KCNAB2: variants seen among roughly 807,000 people sequenced by gnomAD.
The protein encoded by KCNAB2 is voltage-gated potassium channel subunit beta-2.
KCNAB2 carries 29 observed loss-of-function variants against 63.6 expected under a neutral mutation model. The ratio of observed to expected loss-of-function variants is 0.46; its 90% confidence interval spans 0.34 to 0.62. The LOEUF is 0.62. Among genes scored for constraint, KCNAB2 ranks in the 20% least tolerant of loss-of-function variants. KCNAB2 has a pLI of 0.01. For synonymous variants in KCNAB2, 222 were observed against 224.2 expected, an observed-to-expected ratio of 0.99 and a Z score of 0.09; for missense variants, 359 against 563.9, an observed-to-expected ratio of 0.64 and a Z score of 3.68.
At position 6,094,498 on chromosome 1, in the gene KCNAB2, C is replaced by T. The variant is rs770172789; in HGVS notation, c.732+13C>T. 36 of 1,600,118 alleles carry T rather than the reference C, an allele frequency of 2.2e-5. No homozygotes were observed. The highest frequency in any genetic ancestry group is 3.0e-5 in the Non-Finnish European group (35 of 1,173,152). ...CATGGAGATCATGGTACGGTGGCCG[C>T]GCAGCATGTGTGTGTCCAGGCACAG... On this transcript the variant is annotated intron_variant, in intron 11 of 15. Coordinates refer to ENST00000378083, the MANE Select transcript of KCNAB2 (RefSeq NM_001199862.2).
chr1:6,077,818 T>C (rs1052111028), intron 4 of KCNAB2, among the ~76,000 whole-genome samples: 1 of 152,164 alleles, frequency 6.6e-6, no homozygotes, highest in African/African-American at 2.4e-5. Flanking sequence ...TCACTGTCTT[T>C]CTAGAGAGGG....
rs1386307451 is a variant in KCNAB2, at chr1:6,087,014, T to A, written c.426-453T>A. Among the ~76,000 whole-genome samples the A allele has an allele frequency of 6.6e-6, 1 of 152,026 alleles. No individual in the cohort carries two copies. The highest frequency in any genetic ancestry group is 1.9e-4 in the East Asian group (1 of 5,170). ...CCCTGCCTGCCTCCCACCTACATCT[T>A]TCCATCCTCAACTCCTGCCAGATCC... is the stretch of plus-strand genomic sequence containing the variant. On this transcript the variant is annotated intron_variant, in intron 6 of 15. Transcript: ENST00000378083. This position sits in a 1 kb window ranked among gnomAD's most constrained non-coding sequence, Gnocchi z 6.4.
upstream of KCNAB2, among the ~76,000 whole-genome samples, chr1:6,031,634 C>G (rs1012614008): frequency 6.6e-6 from 1 of 151,956 alleles, no homozygotes; most frequent in Non-Finnish European, 1.5e-5. The surrounding 1 kb of genome is among the most constrained non-coding windows in gnomAD (Gnocchi z 4.1). Context: ...CGCCTGTAAT[C>G]CCAACCCTTT....
chr1:6,079,495 G>A (rs971483711), intron 4 of KCNAB2, among the ~76,000 whole-genome samples: 2 of 151,648 alleles, frequency 1.3e-5, no homozygotes, highest in Admixed American at 6.6e-5. Context: ...CTCCCGCCTG[G>A]GCAACAGAAT....
At chr1:6,045,152 G>A (rs965350955), upstream of KCNAB2, among the ~76,000 whole-genome samples, 16 of 152,132 alleles carry the variant, frequency 1.1e-4, no homozygotes, top group South Asian at 8.3e-4. The surrounding 1 kb of genome is among the most constrained non-coding windows in gnomAD (Gnocchi z 4.8). Flanking sequence ...TCCACACTGC[G>A]ACTGGGGCAC....
intron 13 of KCNAB2, 69 bp downstream of exon 13, chr1:6,095,693 C>G (rs1665561752): frequency 4.2e-6 from 6 of 1,444,150 alleles, no homozygotes; most frequent in Non-Finnish European, 4.9e-6. Flanking sequence ...GACCTTTGGG[C>G]CGACTGCTTT....
rs1054773716 is a variant in KCNAB2 at position 5,994,320 on chromosome 1, C to T, written c.-53+1532C>T. Among the ~76,000 whole-genome samples, 3 of 152,244 alleles carry T rather than the reference C, an allele frequency of 2.0e-5. No individual in the cohort carries two copies. Among genetic ancestry groups the T allele is most frequent in the African/African-American group, 7.2e-5 (3 of 41,472 alleles). ...GAGTCACATCTGCCCACCTGATTCT[C>T]GCCTGGCGGCCGTGTCTGCTGCAGA... On this transcript the variant is annotated intron_variant, in intron 1 of 16. Coordinates refer to the KCNAB2 transcript ENST00000341524. This position sits in a 1 kb window ranked among gnomAD's most constrained non-coding sequence, Gnocchi z 5.4.
At chr1:5,995,597 G>A (rs1656897793) in intron 1 of KCNAB2, among the ~76,000 whole-genome samples, 1 of 152,184 alleles carries the variant, frequency 6.6e-6, no homozygotes, top group Admixed American at 6.5e-5. Context: ...TGCAGGCCCT[G>A]GTGCAAGGGT....
Position 6,074,263 on chromosome 1 carries a change from G to C in KCNAB2, c.300+493G>C, listed in dbSNP as rs1020079777. ...ATCCACTGTCCATTTCCCAGCTGCC[G>C]CGAACCGTGCGGATCGCAGTCAGAT... On this transcript the variant is annotated intron_variant, in intron 4 of 15. Coordinates refer to ENST00000378083, the MANE Select transcript of KCNAB2 (RefSeq NM_001199862.2). The surrounding 1 kb of genome is among the most constrained non-coding windows in gnomAD (Gnocchi z 4.9). Among the ~76,000 whole-genome samples, 1 of 152,200 alleles carries C rather than the reference G, an allele frequency of 6.6e-6. No individual in the cohort carries two copies. The highest frequency in any genetic ancestry group is 2.4e-5 in the African/African-American group (1 of 41,444).
upstream of KCNAB2, among the ~76,000 whole-genome samples, chr1:6,032,761 C>T (rs1043669893): frequency 1.4e-4 from 22 of 152,126 alleles, no homozygotes; most frequent in African/African-American, 3.4e-4. Context: ...CCTGCCTGGA[C>T]GCATGAAAAG....
chr1:6,079,016 T>C (rs949979005), intron 4 of KCNAB2, among the ~76,000 whole-genome samples: 1 of 152,200 alleles, frequency 6.6e-6, no homozygotes, highest in East Asian at 1.9e-4. Context: ...GGTCAGATTC[T>C]GGACTAATTT....
intron 1 of KCNAB2, among the ~76,000 whole-genome samples, chr1:6,048,359 T>C (rs759331868): frequency 1.3e-5 from 2 of 152,186 alleles, no homozygotes; most frequent in African/African-American, 4.8e-5. Flanking sequence ...TCCCACCCAG[T>C]TGTCCAAAGC....
chr1:6,090,462 C>A lies in KCNAB2; in HGVS notation c.588C>A (p.Asn196Lys), dbSNP rs1665091390. Residue 196 changes from asparagine to lysine, a missense_variant, in exon 9 of 16, where the codon AAC (asparagine) becomes AAA (lysine). Asn to Lys is a moderately conservative substitution (Grantham distance 94). Coordinates refer to ENST00000378083, the MANE Select transcript of KCNAB2 (RefSeq NM_001199862.2). Reference protein sequence around the residue: ...DVVFANRPDPNTPMEGDPFSS... With the variant: ...DVVFANRPDPKTPMEGDPFSS... ...TGTTTGCCAACCGCCCGGACCCCAA[C>A]ACCCCGATGGAAGGTAGGTGGTCTG... The A allele has an allele frequency of 6.2e-7, 1 of 1,613,432 alleles. No individual in the cohort carries two copies. The highest frequency in any genetic ancestry group is 1.3e-5 in the African/African-American group (1 of 74,932).
chr1:6,030,821 T>G (rs975681452), upstream of KCNAB2, among the ~76,000 whole-genome samples: 10 of 151,752 alleles, frequency 6.6e-5, no homozygotes, highest in African/African-American at 2.2e-4. Context: ...TGTATATGTG[T>G]GTATGTGTAA....
At position 6,035,693 on chromosome 1, in the gene KCNAB2, G is replaced by A. The variant is rs1048507073; in HGVS notation, c.-53+899G>A. On this transcript the variant is annotated intron_variant, in intron 1 of 15. Transcript: ENST00000164247. This position sits in a 1 kb window ranked among gnomAD's most constrained non-coding sequence, Gnocchi z 5.0. ...TCTGACCCAGGAATCCGAGGCACAC[G>A]TTCCCCACCCTCATAGCTGAGCCAC... Among the ~76,000 whole-genome samples, 3 of 151,716 alleles carry A rather than the reference G, an allele frequency of 2.0e-5. No individual in the cohort carries two copies. The highest frequency in any genetic ancestry group is 1.9e-4 in the East Asian group (1 of 5,164).
At chr1:6,059,119 T>TA (rs1403935106) in intron 2 of KCNAB2, among the ~76,000 whole-genome samples, 2 of 152,114 alleles carry the variant, frequency 1.3e-5, no homozygotes, top group African/African-American at 4.8e-5. Flanking sequence ...TGTAACCGAC[T>TA]GATGATGTGC....
At chr1:6,017,923 T>A (rs1015434388) in intron 1 of KCNAB2, among the ~76,000 whole-genome samples, 6 of 151,096 alleles carry the variant, frequency 4.0e-5, no homozygotes, top group African/African-American at 1.2e-4. Flanking sequence ...CAAAAAAAAA[T>A]TTTTTTTTAG....
At position 6,095,360 on chromosome 1, in the gene KCNAB2, C is replaced by T; in HGVS notation, c.770C>T (p.Pro257Leu). 2.5e-6 allele frequency: 4 copies of T among 1,612,986 alleles called. No homozygotes were observed. The highest frequency in any genetic ancestry group is 3.4e-6 in the Non-Finnish European group (4 of 1,179,992). ...YSVARQFNLT[P>L]PICEQAEYHM... ...GTGGCCCGGCAGTTCAACCTGACCC[C>T]GCCCATCTGCGAGCAGGCTGAGTAC... Residue 257 changes from proline to leucine, a missense_variant, in exon 12 of 16, where the codon CCG becomes CTG. By Grantham distance (98) the Pro-to-Leu change is moderately conservative. This residue lies in a region of KCNAB2 where 271 missense variants were observed against 476.1 expected (regional missense o/e 0.57). Transcript: ENST00000378083.
intron 1 of KCNAB2, among the ~76,000 whole-genome samples, chr1:6,006,708 A>C (rs1441357236): frequency 1.5e-5 from 1 of 67,370 alleles, no homozygotes; most frequent in Non-Finnish European, 3.0e-5. Flanking sequence ...CCCCCACTTC[A>C]CCCTCACTCC....
Sources: gnomAD v4.1 joint callset for allele counts (sites outside exome capture counted in the v4.1 genomes callset) on GRCh38, gnomAD v4.1.1 for gene constraint, gnomAD v4.1.1 regional missense constraint, Gnocchi (gnomAD v3.1) non-coding constraint, MANE v1.5 for transcripts, NCBI Gene and HGNC (gene_info 2026-07-23, HGNC 2026-07-21) for gene names.